Variants in ADAMTSL1 observed in about 807,000 individuals in gnomAD.
ADAMTSL1 encodes the protein ADAMTS-like protein 1.
In ADAMTSL1, 126 loss-of-function variants were observed where a neutral mutation model predicts 201.8. The ratio of observed to expected loss-of-function variants is 0.62; its 90% CI spans 0.54 to 0.72. The LOEUF is 0.72. ADAMTSL1 is among the 30% of genes least tolerant of loss of function. ADAMTSL1 has a pLI of 0.00. For missense variants in ADAMTSL1, 2,679 were observed against 2,277.8 expected (o/e 1.18, Z -3.59); for synonymous variants, 1,121 against 903.4 (o/e 1.24, Z -4.32).
At chr9:18,060,681 A>G (rs1323615891) in intron 1 of ADAMTSL1, among the ~76,000 whole-genome samples, 1 of 152,190 alleles carries the variant, frequency 6.6e-6, no homozygotes, top group African/African-American at 2.4e-5. Context: ...GATTTTAGTC[A>G]GGTTAACTAC....
chr9:18,130,864 G>T (rs1322189475), intron 1 of ADAMTSL1, among the ~76,000 whole-genome samples: 4 of 152,124 alleles, frequency 2.6e-5, no homozygotes, highest in Non-Finnish European at 1.5e-5. Context: ...TCCACCAGTG[G>T]TTTGGCAGCT....
chr9:18,464,486 A>G (rs1016021567), intron 2 of ADAMTSL1, among the ~76,000 whole-genome samples: 5 of 152,256 alleles, frequency 3.3e-5, no homozygotes, highest in African/African-American at 1.2e-4. Flanking sequence ...CATTATTCCA[A>G]TAGAAGTGAT....
intron 3 of ADAMTSL1, among the ~76,000 whole-genome samples, chr9:18,544,872 A>C: frequency 6.6e-6 from 1 of 152,196 alleles, no homozygotes; most frequent in East Asian, 1.9e-4. Flanking sequence ...AAGAAAAGAA[A>C]AATCATTCAA....
chr9:18,274,641 T>C (rs111621558), intron 2 of ADAMTSL1, among the ~76,000 whole-genome samples: 4,464 of 152,238 alleles, frequency 0.029, 85 homozygotes, highest in Non-Finnish European at 0.044. Context: ...TTTTATTATA[T>C]AATAAGTGCA....
At chr9:18,781,066 T>G (rs1821361919) in intron 19 of ADAMTSL1, among the ~76,000 whole-genome samples, 1 of 152,116 alleles carries the variant, frequency 6.6e-6, no homozygotes, top group Non-Finnish European at 1.5e-5. Context: ...CTTTGGCCCT[T>G]TTAATTTTTA....
At chr9:18,583,741 C>G (rs186159588) in intron 4 of ADAMTSL1, among the ~76,000 whole-genome samples, 9 of 152,194 alleles carry the variant, frequency 5.9e-5, no homozygotes, top group Non-Finnish European at 1.3e-4. Flanking sequence ...GGACCCACCT[C>G]TTGCATCAGA....
chr9:18,105,452 A>G (rs983313524), intron 1 of ADAMTSL1, among the ~76,000 whole-genome samples: 1 of 152,182 alleles, frequency 6.6e-6, no homozygotes, highest in African/African-American at 2.4e-5. Flanking sequence ...TTTACTTAAT[A>G]TTGCAAAATT....
intron 2 of ADAMTSL1, among the ~76,000 whole-genome samples, chr9:18,257,000 G>A (rs2132516729): frequency 6.6e-6 from 1 of 152,264 alleles, no homozygotes; most frequent in Admixed American, 6.5e-5. Context: ...CATGAGAGTG[G>A]TTTTTGTTCA....
intron 1 of ADAMTSL1, among the ~76,000 whole-genome samples, chr9:18,125,472 T>C (rs1316613309): frequency 6.6e-6 from 1 of 152,214 alleles, no homozygotes; most frequent in African/African-American, 2.4e-5. Flanking sequence ...TCTTATGCTT[T>C]TGCTGTCATA....
chr9:18,410,029 A>C (rs898772205), intron 2 of ADAMTSL1, among the ~76,000 whole-genome samples: 3 of 151,842 alleles, frequency 2.0e-5, no homozygotes, highest in African/African-American at 7.3e-5. Flanking sequence ...TTAATATTTT[A>C]ATATTGAGCT....
At chr9:18,822,710 T>C (rs1824287511) in intron 21 of ADAMTSL1, among the ~76,000 whole-genome samples, 1 of 152,224 alleles carries the variant, frequency 6.6e-6, no homozygotes, top group Non-Finnish European at 1.5e-5. Flanking sequence ...AGTTATTAAA[T>C]AGTACCTGCT....
At chr9:18,827,063 G>C (rs1025078744) in intron 22 of ADAMTSL1, among the ~76,000 whole-genome samples, 2 of 151,752 alleles carry the variant, frequency 1.3e-5, no homozygotes, top group African/African-American at 4.8e-5. Flanking sequence ...CCCAGTTCTG[G>C]ACTCAGCCAT....
chr9:18,227,999 C>T (rs1228041494), intron 2 of ADAMTSL1, among the ~76,000 whole-genome samples: 2 of 152,268 alleles, frequency 1.3e-5, no homozygotes, highest in East Asian at 3.9e-4. Context: ...GCATACTAGG[C>T]AAGCAGTTAG....
Position 18,888,792 on chromosome 9 carries a change from T to C in ADAMTSL1, c.4462+749T>C, listed in dbSNP as rs949579923. On this transcript the variant is annotated intron_variant, in intron 24 of 28. Coordinates refer to ENST00000380548, the MANE Select transcript of ADAMTSL1 (RefSeq NM_001040272.6). Reference sequence around the variant, plus strand: ...TTTGTGCCAATACGGCACAAAAAGATGAAGAAAGGAGGGAAATTTTTCTAA... The same window carrying C: ...TTTGTGCCAATACGGCACAAAAAGACGAAGAAAGGAGGGAAATTTTTCTAA... 3.9e-5 allele frequency among the ~76,000 whole-genome samples: 6 copies of C among 152,152 alleles called. No individual in the cohort carries two copies. The East Asian group carries it at 1.2e-3, about 29-fold the overall frequency.
intron 2 of ADAMTSL1, among the ~76,000 whole-genome samples, chr9:18,514,252 A>G (rs1818221622): frequency 6.6e-6 from 1 of 151,860 alleles, no homozygotes; most frequent in Non-Finnish European, 1.5e-5. Flanking sequence ...ATGTGATTGT[A>G]AATGAGACTG....
At chr9:18,841,938 A>G (rs1187330978) in intron 23 of ADAMTSL1, among the ~76,000 whole-genome samples, 1 of 151,046 alleles carries the variant, frequency 6.6e-6, no homozygotes, top group Non-Finnish European at 1.5e-5. Flanking sequence ...TTTCTTCTTT[A>G]TTAGTCTTGC....
intron 19 of ADAMTSL1, among the ~76,000 whole-genome samples, chr9:18,791,572 A>T (rs193181545): frequency 7.6e-4 from 116 of 152,160 alleles, no homozygotes; most frequent in Admixed American, 1.8e-3. Flanking sequence ...TCAAATCCTG[A>T]CTCTGCCCCC....
chr9:18,772,141 T>C (rs1820728116), intron 17 of ADAMTSL1, among the ~76,000 whole-genome samples: 1 of 152,162 alleles, frequency 6.6e-6, no homozygotes, highest in Admixed American at 6.6e-5. Flanking sequence ...GGAATGTTGA[T>C]TTGGGGTATG....
intron 27 of ADAMTSL1, 76 bp from the exon 28 acceptor site, chr9:18,906,616 G>A: frequency 8.2e-7 from 1 of 1,218,736 alleles, no homozygotes. Flanking sequence ...TTCTGAGTTT[G>A]CAGCACTATT....
Sources: allele counts gnomAD v4.1 joint callset (sites outside exome capture counted in the v4.1 genomes callset), GRCh38; gene constraint gnomAD v4.1.1; transcripts MANE v1.5; gene names NCBI Gene and HGNC (gene_info 2026-07-23, HGNC 2026-07-21).